LINGO2: variants seen among roughly 807,000 people sequenced by gnomAD.
LINGO2 encodes leucine-rich repeat and immunoglobulin-like domain-containing nogo receptor-interacting protein 2.
Under a neutral mutation model 30.6 loss-of-function variants are expected in LINGO2, and 14 were observed. The observed-to-expected ratio is 0.46, with a 90% CI of 0.30 to 0.72. The LOEUF (loss-of-function observed/expected upper bound fraction) is 0.72. Ranked by LOEUF, LINGO2 falls within the 30% of genes least tolerant of loss-of-function variation. The pLI, the probability that LINGO2 is intolerant of heterozygous loss-of-function variation, is 0.07. For missense variants in LINGO2, 729 were observed against 751.7 expected (o/e 0.97, Z 0.35); for synonymous variants, 317 against 288.5 (o/e 1.10, Z -1.00).
rs538049198 is a variant in LINGO2 at position 27,954,370 on chromosome 9, C to G, written c.-35-3664G>C. On this transcript the variant is annotated intron_variant, in intron 5 of 5. Transcript: ENST00000379992. ...TGATCTTGGCCACAGTTCCCAGTGT[C>G]TGGTATCTATCATTCTACTTTCAAC... Among the ~76,000 whole-genome samples, 3 of 152,264 alleles carry G rather than the reference C, an allele frequency of 2.0e-5. No homozygotes were observed. In the East Asian group the frequency reaches 5.8e-4, roughly 29 times the overall value.
the LINGO2 span, among the ~76,000 whole-genome samples, chr9:29,040,896 T>A: frequency 6.6e-6 from 1 of 152,072 alleles, no homozygotes; most frequent in Non-Finnish European, 1.5e-5. Context: ...AAATTAACAC[T>A]GACATATAAC....
chr9:28,135,694 T>A (rs929048170), intron 4 of LINGO2, among the ~76,000 whole-genome samples: 1 of 152,098 alleles, frequency 6.6e-6, no homozygotes, highest in Non-Finnish European at 1.5e-5. Context: ...CACGTTAATC[T>A]TTTATTTACA....
At chr9:28,976,041 G>A in the LINGO2 span, among the ~76,000 whole-genome samples, 13 of 152,170 alleles carry the variant, frequency 8.5e-5, no homozygotes, top group East Asian at 7.7e-4. Context: ...TAGAATTGTT[G>A]TCAAACAAGA....
the LINGO2 span, among the ~76,000 whole-genome samples, chr9:28,866,651 T>C: frequency 6.6e-6 from 1 of 152,186 alleles, no homozygotes; most frequent in African/African-American, 2.4e-5. Flanking sequence ...TTACAGGATA[T>C]GAAGTAGATT....
chr9:28,870,972 T>C, the LINGO2 span, among the ~76,000 whole-genome samples: 1 of 151,876 alleles, frequency 6.6e-6, no homozygotes. Context: ...TACTACATAG[T>C]AGGAAATGTC....
At chr9:28,257,946 G>A (rs1455938206) in intron 4 of LINGO2, among the ~76,000 whole-genome samples, 1 of 151,820 alleles carries the variant, frequency 6.6e-6, no homozygotes, top group Non-Finnish European at 1.5e-5. Flanking sequence ...CCTAATAATT[G>A]TGGTGTTGTT....
chr9:28,229,041 T>C (rs1821266897), intron 4 of LINGO2, among the ~76,000 whole-genome samples: 1 of 151,798 alleles, frequency 6.6e-6, no homozygotes, highest in African/African-American at 2.4e-5. Context: ...ATCATTCTCA[T>C]GGATACACAC....
chr9:28,062,176 G>T lies in LINGO2; in HGVS notation c.-86-49771C>A, dbSNP rs559717002. Among the ~76,000 whole-genome samples, 20 of 152,140 alleles carry T rather than the reference G, an allele frequency of 1.3e-4. No homozygotes were observed. The South Asian group carries it at 3.9e-3, about 30-fold the overall frequency. On this transcript the variant is annotated intron_variant, in intron 4 of 5. Transcript: ENST00000379992. ...AGCTAGGGAAGCGGTTTCAAATTCA[G>T]ATCGAATGCTGACATACCTTACCAG...
At chr9:28,225,450 C>A (rs1821112542) in intron 4 of LINGO2, among the ~76,000 whole-genome samples, 1 of 151,874 alleles carries the variant, frequency 6.6e-6, no homozygotes, top group African/African-American at 2.4e-5. Context: ...AAAATTGTAA[C>A]AGATTGTATG....
At chr9:28,546,302 T>C (rs1230623666) in intron 1 of LINGO2, among the ~76,000 whole-genome samples, 1 of 152,018 alleles carries the variant, frequency 6.6e-6, no homozygotes, top group African/African-American at 2.4e-5. Flanking sequence ...GAGAAGAGCA[T>C]TAAAAAAATA....
chr9:29,072,611 T>A, the LINGO2 span, among the ~76,000 whole-genome samples: 1 of 140,388 alleles, frequency 7.1e-6, no homozygotes, highest in South Asian at 2.3e-4. Context: ...TGTCTCTCTT[T>A]GATATATATA....
the LINGO2 span, among the ~76,000 whole-genome samples, chr9:29,113,915 A>G: frequency 1.3e-5 from 2 of 152,062 alleles, no homozygotes; most frequent in Non-Finnish European, 1.5e-5. Flanking sequence ...GAACAATAAC[A>G]TCTGCTTAAT....
intron 1 of LINGO2, among the ~76,000 whole-genome samples, chr9:28,592,157 A>C (rs1824944764): frequency 6.6e-6 from 1 of 152,022 alleles, no homozygotes; most frequent in South Asian, 2.1e-4. Flanking sequence ...TTATTGTTTC[A>C]TTTAATCTTC....
chr9:28,410,225 G>A (rs914082110), intron 2 of LINGO2, among the ~76,000 whole-genome samples: 18 of 152,008 alleles, frequency 1.2e-4, no homozygotes, highest in Non-Finnish European at 2.4e-4. Context: ...ATTTGATTCA[G>A]CCTTCTTAAA....
chr9:28,650,814 C>T (rs1828062885), intron 1 of LINGO2, among the ~76,000 whole-genome samples: 2 of 152,160 alleles, frequency 1.3e-5, no homozygotes, highest in South Asian at 4.1e-4. Context: ...ATTCTCTGAA[C>T]ACTAATCATT....
the LINGO2 span, among the ~76,000 whole-genome samples, chr9:28,801,767 C>G: frequency 6.6e-6 from 1 of 152,000 alleles, no homozygotes; most frequent in African/African-American, 2.4e-5. Flanking sequence ...TTAGAATCAA[C>G]AAAAGCAGGT....
the LINGO2 span, among the ~76,000 whole-genome samples, chr9:29,212,067 G>T: frequency 2.0e-5 from 3 of 152,134 alleles, no homozygotes; most frequent in African/African-American, 7.2e-5. Flanking sequence ...CGAAAGGAGA[G>T]TGGAGGAGAA....
intron 4 of LINGO2, among the ~76,000 whole-genome samples, chr9:28,119,400 T>C (rs1827028489): frequency 1.3e-5 from 2 of 152,236 alleles, no homozygotes; most frequent in Non-Finnish European, 2.9e-5. Flanking sequence ...CCAGAGGGCA[T>C]GGAATTGAAT....
At chr9:28,361,972 C>T (rs1348527314) in intron 3 of LINGO2, among the ~76,000 whole-genome samples, 5 of 152,132 alleles carry the variant, frequency 3.3e-5, no homozygotes, top group South Asian at 4.1e-4. Context: ...CATCTATGCC[C>T]GCTGCACCAC....
Sources: allele counts gnomAD v4.1 joint callset (sites outside exome capture counted in the v4.1 genomes callset), GRCh38; gene constraint gnomAD v4.1.1; transcripts MANE v1.5; gene names NCBI Gene and HGNC (gene_info 2026-07-23, HGNC 2026-07-21).